ZAP70: variants seen among roughly 807,000 people sequenced by gnomAD.
The protein encoded by ZAP70 is zeta chain of T cell receptor associated protein kinase 70.
A neutral mutation model predicts 65.8 loss-of-function variants in ZAP70; 27 were observed. The ratio of observed to expected loss-of-function variants is 0.41; its 90% confidence interval spans 0.30 to 0.57. The LOEUF (loss-of-function observed/expected upper bound fraction) is 0.57. Among genes scored for constraint, ZAP70 ranks in the 20% least tolerant of loss-of-function variants. The pLI, the probability that ZAP70 is intolerant of heterozygous loss-of-function variation, is 0.28. For missense variants in ZAP70, 696 were observed against 870.5 expected (o/e 0.80, Z 2.52); for synonymous variants, 363 against 360.8 (o/e 1.01, Z -0.07).
the ZAP70 span, among the ~76,000 whole-genome samples, chr2:97,755,619 T>A: frequency 6.6e-6 from 1 of 152,138 alleles, no homozygotes; most frequent in Non-Finnish European, 1.5e-5. Flanking sequence ...CATTTAGAAA[T>A]GAAAGGGCCA....
intron 4 of ZAP70, among the ~76,000 whole-genome samples, chr2:97,728,309 C>T (rs574139434): frequency 1.3e-5 from 2 of 152,258 alleles, no homozygotes; most frequent in Admixed American, 6.5e-5. Flanking sequence ...GGAGAGATGC[C>T]CAGCATCTGG....
the ZAP70 span, among the ~76,000 whole-genome samples, chr2:97,745,690 A>G: frequency 6.6e-6 from 1 of 152,202 alleles, no homozygotes; most frequent in Non-Finnish European, 1.5e-5. Context: ...GCGAAATTGG[A>G]ACCCTCACAC....
In ZAP70 at chr2:97,739,520, C is replaced by T. The variant is rs1678058391; in HGVS notation, c.*22C>T. Reference sequence around the variant, plus strand: ...CTGAGCTCCCGCTGCCCAGGGGAGCCCTCCACGCCGGCTCTTCCCCACCCT... The same window carrying T: ...CTGAGCTCCCGCTGCCCAGGGGAGCTCTCCACGCCGGCTCTTCCCCACCCT... On this transcript the variant is annotated 3_prime_UTR_variant, in exon 14 of 14. Transcript: ENST00000264972. The T allele has an allele frequency of 1.2e-6, 2 of 1,608,650 alleles. No homozygotes were observed. The highest frequency in any genetic ancestry group is 1.7e-6 in the Non-Finnish European group (2 of 1,178,332).
In ZAP70 at chr2:97,737,005, C is replaced by T. The variant is rs932869600; in HGVS notation, c.1290-468C>T. Among the ~76,000 whole-genome samples the T allele has an allele frequency of 6.6e-6, 1 of 152,000 alleles. No homozygotes were observed. The highest frequency in any genetic ancestry group is 1.5e-5 in the Non-Finnish European group (1 of 68,012). On this transcript the variant is annotated intron_variant, in intron 10 of 13. Coordinates refer to ENST00000264972, the MANE Select transcript of ZAP70 (RefSeq NM_001079.4). This position sits in a 1 kb window ranked among gnomAD's most constrained non-coding sequence, Gnocchi z 5.0. ...GGTGAGTGATGCTGCGGCTGCTTCC[C>T]GGTGGCAGAGGCAGAGATGAGGAGT...
chr2:97,739,961 G>C (rs928534213), downstream of ZAP70: 1 of 166,978 alleles, frequency 6.0e-6, no homozygotes, highest in Non-Finnish European at 1.3e-5. Context: ...GACTGAGCCT[G>C]GAAGTGACCC....
Position 97,735,315 on chromosome 2 carries a change from T to C in ZAP70, c.1148T>C (p.Met383Thr). 2 of 1,614,130 alleles carry C rather than the reference T, an allele frequency of 1.2e-6. No individual in the cohort carries two copies. Among genetic ancestry groups the C allele is most frequent in the South Asian group, 1.1e-5 (1 of 91,084 alleles). Residue 383 changes from methionine (M) to threonine (T), a missense_variant, in exon 10 of 14, where the codon ATG (methionine) becomes ACG (threonine). Met to Thr is a moderately conservative substitution (Grantham distance 81). This residue lies in a region of ZAP70 where 551 missense variants were observed against 630.0 expected (regional missense o/e 0.87). Transcript: ENST00000264972. ...ACGGAGAAGGCAGACACGGAAGAGA[T>C]GATGCGCGAGGCGCAGATCATGCAC... is the stretch of plus-strand genomic sequence containing the variant. ...QGTEKADTEE[M>T]MREAQIMHQL...
In ZAP70 at chr2:97,737,954, A is replaced by C; in HGVS notation, c.1624-41A>C. The C allele has an allele frequency of 1.2e-6, 2 of 1,613,924 alleles. No homozygotes were observed. The highest frequency in any genetic ancestry group is 1.7e-6 in the Non-Finnish European group (2 of 1,179,874). ...GGTGGGGAGGGGGATGAGGAGGAGGACACTGGTCACTCACAGGTGTCTCTG... is the reference window on the plus strand; with the variant it reads ...GGTGGGGAGGGGGATGAGGAGGAGGCCACTGGTCACTCACAGGTGTCTCTG... On this transcript the variant is annotated intron_variant, in intron 12 of 13. Transcript: ENST00000264972. The surrounding 1 kb of genome is among the most constrained non-coding windows in gnomAD (Gnocchi z 5.0).
At chr2:97,733,686 C>T in intron 8 of ZAP70, 91 bp downstream of exon 8, 1 of 1,542,312 alleles carries the variant, frequency 6.5e-7, no homozygotes. Context: ...ACGGGGGGCG[C>T]TGTGGGCCGG....
Position 97,732,990 on chromosome 2 carries a change from C to T in ZAP70, c.671C>T (p.Pro224Leu), listed in dbSNP as rs201752492. The change falls in exon 5 of 14, where the codon CCC (proline) becomes CTC (leucine). Residue 224 changes from proline to leucine, a missense_variant. Coordinates refer to ENST00000264972, the MANE Select transcript of ZAP70 (RefSeq NM_001079.4). ...GACAAGGCGGGCAAGTACTGCATTC[C>T]CGAGGGCACCAAGTTTGACACGCTC... ...SQDKAGKYCIPEGTKFDTLWQ... is the reference protein window; with the variant it reads ...SQDKAGKYCILEGTKFDTLWQ... 14 of 1,614,040 alleles carry T rather than the reference C, an allele frequency of 8.7e-6. No individual in the cohort carries two copies. The Admixed American group carries it at 1.5e-4, about 17-fold the overall frequency.
chr2:97,725,771 G>A (rs1474499981), intron 4 of ZAP70, among the ~76,000 whole-genome samples: 2 of 152,198 alleles, frequency 1.3e-5, no homozygotes, highest in Non-Finnish European at 2.9e-5. Flanking sequence ...TTCCTGAGAA[G>A]GTGACTTCTG....
At chr2:97,723,394 A>C (rs544124607) in intron 2 of ZAP70, among the ~76,000 whole-genome samples, 1 of 152,252 alleles carries the variant, frequency 6.6e-6, no homozygotes, top group Non-Finnish European at 1.5e-5. Flanking sequence ...GCCTCTGCGC[A>C]TGCAGTCCTC....
chr2:97,732,468 A>G (rs1228600036), intron 4 of ZAP70, among the ~76,000 whole-genome samples: 4 of 152,068 alleles, frequency 2.6e-5, no homozygotes, highest in South Asian at 4.1e-4. Context: ...TGTACCCCCA[A>G]TGAGTGCCTG....
intron 13 of ZAP70, among the ~76,000 whole-genome samples, chr2:97,738,770 C>T (rs760797489): frequency 2.0e-5 from 3 of 152,064 alleles, no homozygotes; most frequent in Non-Finnish European, 2.9e-5. Context: ...GACACCCTCT[C>T]TGGCTGGCCC....
the ZAP70 span, among the ~76,000 whole-genome samples, chr2:97,755,260 T>C: frequency 5.3e-5 from 8 of 151,926 alleles, no homozygotes; most frequent in Admixed American, 1.3e-4. Context: ...AGTCTTAAAA[T>C]TGGAAAAGGG....
At chr2:97,723,442 T>C (rs1677239542) in intron 2 of ZAP70, among the ~76,000 whole-genome samples, 1 of 152,254 alleles carries the variant, frequency 6.6e-6, no homozygotes, top group African/African-American at 2.4e-5. Context: ...TTTTGAAAAG[T>C]TGGCTCCTCC....
chr2:97,735,350 A>C lies in ZAP70; in HGVS notation c.1183A>C (p.Asn395His). The C allele has an allele frequency of 6.2e-7, 1 of 1,614,164 alleles. No individual in the cohort carries two copies. The highest frequency in any genetic ancestry group is 1.1e-5 in the South Asian group (1 of 91,090). The part of the protein sequence containing the change: ...REAQIMHQLD[N>H]PYIVRLIGVC... ...GGCGCAGATCATGCACCAGCTGGAC[A>C]ACCCCTACATCGTGCGGCTCATTGG... The change falls in exon 10 of 14, where the codon AAC (asparagine) becomes CAC (histidine). Residue 395 changes from asparagine (N) to histidine (H), a missense_variant. Physicochemically the swap from Asn to His is moderately conservative, Grantham distance 68. Coordinates refer to ENST00000264972, the MANE Select transcript of ZAP70 (RefSeq NM_001079.4).
chr2:97,724,264 G>C lies in ZAP70; in HGVS notation c.228G>C (p.Ala76=), dbSNP rs773647560. Residue 76 remains alanine (A), a synonymous_variant, in exon 3 of 14, where the codon GCG becomes GCC. Coordinates refer to ENST00000264972, the MANE Select transcript of ZAP70 (RefSeq NM_001079.4). ...CCTACGCCATTGCCGGCGGCAAAGC[G>C]CACTGTGGACCGGCAGAGCTCTGCG... is the stretch of plus-strand genomic sequence containing the variant. ...NGTYAIAGGK[A]HCGPAELCEF... is the part of the protein sequence containing the mutation. 1.2e-6 allele frequency: 2 copies of C among 1,604,598 alleles called. No homozygotes were observed. The highest frequency in any genetic ancestry group is 1.7e-5 in the Admixed American group (1 of 59,622).
intron 4 of ZAP70, among the ~76,000 whole-genome samples, chr2:97,728,047 A>C (rs1454436817): frequency 6.6e-6 from 1 of 152,172 alleles, no homozygotes; most frequent in African/African-American, 2.4e-5. Context: ...TCTGTTTGCT[A>C]TCTTAGGCTT....
downstream of ZAP70, among the ~76,000 whole-genome samples, chr2:97,741,411 G>A (rs1156230523): frequency 6.6e-6 from 1 of 151,940 alleles, no homozygotes; most frequent in Non-Finnish European, 1.5e-5. Context: ...CACCGGTGAT[G>A]TCCCCTAGGA....
Sources: allele counts gnomAD v4.1 joint callset (sites outside exome capture counted in the v4.1 genomes callset), GRCh38; gene constraint gnomAD v4.1.1; regional missense constraint gnomAD v4.1.1; non-coding constraint Gnocchi (gnomAD v3.1); transcripts MANE v1.5; gene names NCBI Gene and HGNC (gene_info 2026-07-23, HGNC 2026-07-21).